PPP2R2B: variants seen among roughly 807,000 people sequenced by gnomAD.
The protein encoded by PPP2R2B is serine/threonine-protein phosphatase 2A 55 kDa regulatory subunit B beta isoform.
In PPP2R2B, 5 loss-of-function variants were observed where a neutral mutation model predicts 46.0. The ratio of observed to expected loss-of-function variants is 0.11; its 90% CI spans 0.06 to 0.23. PPP2R2B has a LOEUF of 0.23. Ranked by LOEUF, PPP2R2B falls within the 10% of genes least tolerant of loss-of-function variation. The pLI is 1.00. For missense variants in PPP2R2B, 367 were observed against 575.0 expected (o/e 0.64, Z 3.70); for synonymous variants, 215 against 206.7 (o/e 1.04, Z -0.34).
intron 1 of PPP2R2B, among the ~76,000 whole-genome samples, chr5:146,904,691 A>T (rs1175959348): frequency 6.6e-6 from 1 of 152,218 alleles, no homozygotes; most frequent in East Asian, 1.9e-4. Flanking sequence ...AGAGACTGCT[A>T]AAAGTAGCTT....
At chr5:146,810,548 G>A (rs1757467566) in intron 2 of PPP2R2B, among the ~76,000 whole-genome samples, 1 of 152,114 alleles carries the variant, frequency 6.6e-6, no homozygotes. Flanking sequence ...CTCAGATAGA[G>A]CAAGTAATTT....
intron 1 of PPP2R2B, among the ~76,000 whole-genome samples, chr5:147,015,892 T>C (rs1341501557): frequency 6.6e-6 from 1 of 151,506 alleles, no homozygotes; most frequent in Non-Finnish European, 1.5e-5. Context: ...TTCAGTATCA[T>C]CACCATCATC....
At chr5:147,019,355 G>A (rs1033807222) in intron 1 of PPP2R2B, among the ~76,000 whole-genome samples, 3 of 152,114 alleles carry the variant, frequency 2.0e-5, no homozygotes, top group Non-Finnish European at 4.4e-5. Context: ...TTGTTACTTG[G>A]AACTGTTTTA....
chr5:146,854,026 C>CT (rs1760502159), intron 2 of PPP2R2B, among the ~76,000 whole-genome samples: 1 of 152,028 alleles, frequency 6.6e-6, no homozygotes, highest in Non-Finnish European at 1.5e-5. Context: ...CCACAGGTTC[C>CT]TTAACAGTAG....
At chr5:147,054,359 C>T (rs372874499) in intron 1 of PPP2R2B, among the ~76,000 whole-genome samples, 33 of 152,208 alleles carry the variant, frequency 2.2e-4, no homozygotes, top group African/African-American at 7.0e-4. Flanking sequence ...GCCATTTTTT[C>T]ATTCCTCTCA....
intron 1 of PPP2R2B, among the ~76,000 whole-genome samples, chr5:146,915,799 G>T (rs375493152): frequency 9.7e-4 from 148 of 152,128 alleles, no homozygotes; most frequent in African/African-American, 3.3e-3. Flanking sequence ...TCTTGTGCTT[G>T]CCTCCTCCTT....
intron 1 of PPP2R2B, among the ~76,000 whole-genome samples, chr5:146,990,462 C>T (rs1753645538): frequency 6.6e-6 from 1 of 151,964 alleles, no homozygotes; most frequent in Non-Finnish European, 1.5e-5. Flanking sequence ...GGCAAGAATG[C>T]ACACTGAGAA....
chr5:146,979,359 C>A lies in PPP2R2B; in HGVS notation c.79+76306G>T, dbSNP rs183974834. 7.4e-4 allele frequency among the ~76,000 whole-genome samples: 113 copies of A among 152,150 alleles called. 3 individuals carry two copies. The highest frequency in any genetic ancestry group is 7.4e-3 in the Admixed American group (113 of 15,278). The stretch of plus-strand genomic sequence containing the variant: ...TAGAATTCATCATTTTATAAAATTT[C>A]ACACAATTTTCTTGTTTACTTTCTG... On this transcript the variant is annotated intron_variant, in intron 1 of 8. Transcript: ENST00000336640.
intron 1 of PPP2R2B, among the ~76,000 whole-genome samples, chr5:146,957,719 G>C (rs971377524): frequency 6.6e-6 from 1 of 152,118 alleles, no homozygotes; most frequent in Non-Finnish European, 1.5e-5. Context: ...TTGTACATTT[G>C]TTGCAATAAC....
At position 146,585,605 on chromosome 5, in the gene PPP2R2B, C is replaced by G. The variant is rs1380056701; in HGVS notation, c.*4342G>C. 6.6e-6 allele frequency: 1 copy of G among 152,178 alleles called. No homozygotes were observed. Among genetic ancestry groups the G allele is most frequent in the African/African-American group, 2.4e-5 (1 of 41,450 alleles). 9.4% of individuals were successfully genotyped at this position (152,178 alleles called of 1,614,324 possible). On this transcript the variant is annotated 3_prime_UTR_variant, in exon 10 of 10. Transcript: ENST00000394411. Reference sequence around the variant, plus strand: ...GAGTTGGAGTCCTGGTTCCATCTCTCTCGGGCTTTGTGCCCTTGGCTAGGT... The same window carrying G: ...GAGTTGGAGTCCTGGTTCCATCTCTGTCGGGCTTTGTGCCCTTGGCTAGGT...
chr5:147,076,774 C>T (rs1430966921), intron 2 of PPP2R2B, among the ~76,000 whole-genome samples: 1 of 152,062 alleles, frequency 6.6e-6, no homozygotes, highest in Non-Finnish European at 1.5e-5. Flanking sequence ...CTGGGCCATG[C>T]TCTGTCTCCT....
At chr5:146,903,189 T>C (rs1762890313) in intron 1 of PPP2R2B, among the ~76,000 whole-genome samples, 1 of 152,194 alleles carries the variant, frequency 6.6e-6, no homozygotes, top group African/African-American at 2.4e-5. Context: ...TGTTAATATG[T>C]AATGAGTTTA....
intron 5 of PPP2R2B, among the ~76,000 whole-genome samples, chr5:146,688,531 T>C (rs1340474802): frequency 6.6e-6 from 1 of 151,704 alleles, no homozygotes; most frequent in East Asian, 1.9e-4. Context: ...AATTCATCAG[T>C]TAGGTTGTTA....
rs1554073760 is a variant in PPP2R2B, at chr5:146,890,975, G to GAGAA, written c.79+164689_79+164690insTTCT. Among the ~76,000 whole-genome samples the GAGAA allele has an allele frequency of 1.6e-3, 245 of 152,146 alleles. 3 individuals carry two copies. Among genetic ancestry groups the GAGAA allele is most frequent in the African/African-American group, 5.3e-3 (219 of 41,514 alleles). Reference sequence around the variant, plus strand: ...AGATAGGAAGAAAAAGAGAGAGAGAGAAAAAAATAAGGCCTGGGTCCAAAG... The same window carrying GAGAA: ...AGATAGGAAGAAAAAGAGAGAGAGAGAGAAAAAAAAATAAGGCCTGGGTCCAAAG... On this transcript the variant is annotated intron_variant, in intron 1 of 8. Transcript: ENST00000336640.
intron 1 of PPP2R2B, among the ~76,000 whole-genome samples, chr5:147,054,934 A>T (rs867218080): frequency 6.6e-6 from 1 of 152,238 alleles, no homozygotes; most frequent in Non-Finnish European, 1.5e-5. Flanking sequence ...GAAATGTGGA[A>T]TTCTGCAGTG....
intron 1 of PPP2R2B, among the ~76,000 whole-genome samples, chr5:147,024,963 A>G (rs1755460156): frequency 6.6e-6 from 1 of 152,084 alleles, no homozygotes; most frequent in South Asian, 2.1e-4. Context: ...AAATAAAGAT[A>G]AGAGCCAGAA....
chr5:147,058,246 T>C (rs1354188387), upstream of PPP2R2B, among the ~76,000 whole-genome samples: 14 of 152,226 alleles, frequency 9.2e-5, no homozygotes, highest in Admixed American at 9.2e-4. Flanking sequence ...GAAGGTCCTT[T>C]ACAGCACAAA....
At chr5:146,596,930 C>A (rs760405151) in intron 8 of PPP2R2B, among the ~76,000 whole-genome samples, 1 of 152,216 alleles carries the variant, frequency 6.6e-6, no homozygotes, top group Non-Finnish European at 1.5e-5. Flanking sequence ...CTCTCTGAAC[C>A]TTTCCTTCTT....
intron 5 of PPP2R2B, among the ~76,000 whole-genome samples, chr5:146,677,701 T>C (rs1777833809): frequency 5.9e-5 from 9 of 151,980 alleles, no homozygotes; most frequent in Admixed American, 5.9e-4. Flanking sequence ...CTAACTATTG[T>C]ATTTTTTGTA....
Sources: allele counts gnomAD v4.1 joint callset (sites outside exome capture counted in the v4.1 genomes callset), GRCh38; gene constraint gnomAD v4.1.1; transcripts MANE v1.5; gene names NCBI Gene and HGNC (gene_info 2026-07-23, HGNC 2026-07-21).